The following MYO1E variants were observed in gnomAD, a reference collection of about 807,000 sequenced individuals.
The protein encoded by MYO1E is unconventional myosin-Ie.
MYO1E carries 68 observed loss-of-function variants against 151.1 expected under a neutral mutation model. That is an observed-to-expected ratio of 0.45 (90% CI 0.37 to 0.55). The LOEUF (loss-of-function observed/expected upper bound fraction) is 0.55. Among genes scored for constraint, MYO1E ranks in the 20% least tolerant of loss-of-function variants. The pLI, the probability that MYO1E is intolerant of heterozygous loss-of-function variation, is 0.00. For synonymous variants in MYO1E, 601 were observed against 501.7 expected, an observed-to-expected ratio of 1.20 and a Z score of -2.64; for missense variants, 1,363 against 1,389.3, an observed-to-expected ratio of 0.98 and a Z score of 0.30.
intron 12 of MYO1E, among the ~76,000 whole-genome samples, chr15:59,212,285 T>C (rs567350548): frequency 6.6e-6 from 1 of 151,986 alleles, no homozygotes; most frequent in Non-Finnish European, 1.5e-5. Context: ...ATGGGAGCAA[T>C]GGGTTTCATG....
intron 1 of MYO1E, among the ~76,000 whole-genome samples, chr15:59,339,009 G>A (rs1382984820): frequency 6.6e-6 from 1 of 152,214 alleles, no homozygotes; most frequent in African/African-American, 2.4e-5. Flanking sequence ...GCACATGCCT[G>A]TAATCCCTGC....
chr15:59,303,612 C>T (rs1567008871), intron 1 of MYO1E, among the ~76,000 whole-genome samples: 2 of 152,158 alleles, frequency 1.3e-5, no homozygotes, highest in South Asian at 4.1e-4. Flanking sequence ...CAAGAGGCAA[C>T]AGTGCCTTCC....
In MYO1E at chr15:59,171,955, C is replaced by G; in HGVS notation, c.2422G>C (p.Val808Leu). Residue 808 changes from valine (V) to leucine (L), a missense_variant, in exon 22 of 28, where the codon GTG (valine) becomes CTG (leucine). By Grantham distance (32) the Val-to-Leu change is conservative (BLOSUM62 1). Transcript: ENST00000288235. ...KVKQGPDKGL[V>L]KEVLKRKIEI... is the part of the protein sequence containing the mutation. ...ATTTTCCGCTTCAGGACTTCTTTCA[C>G]CAGGCCCTTGTCTGGGCCCTGTTTG... 6.2e-7 allele frequency: 1 copy of G among 1,614,222 alleles called. No individual in the cohort carries two copies. The highest frequency in any genetic ancestry group is 8.5e-7 in the Non-Finnish European group (1 of 1,180,046).
At chr15:59,361,912 C>T (rs891518891) in intron 1 of MYO1E, among the ~76,000 whole-genome samples, 16 of 152,108 alleles carry the variant, frequency 1.1e-4, no homozygotes, top group African/African-American at 3.6e-4. Flanking sequence ...TCTCAGCTTA[C>T]TGCAACCTCC....
At chr15:59,236,746 C>T (rs1241865562) in intron 4 of MYO1E, 74 bp from the exon 5 acceptor site, 2 of 1,317,156 alleles carry the variant, frequency 1.5e-6, no homozygotes, top group Admixed American at 3.4e-5. Flanking sequence ...TCCCCCATCA[C>T]ACAAAACAAA....
At chr15:59,278,744 A>C (rs1174355787) in intron 1 of MYO1E, among the ~76,000 whole-genome samples, 1 of 152,234 alleles carries the variant, frequency 6.6e-6, no homozygotes, top group African/African-American at 2.4e-5. Context: ...CAGGGTAGTC[A>C]GTAGCCAACA....
intron 5 of MYO1E, among the ~76,000 whole-genome samples, chr15:59,233,390 G>A (rs2080040214): frequency 6.6e-6 from 1 of 152,102 alleles, no homozygotes; most frequent in South Asian, 2.1e-4. Flanking sequence ...CATCGGCCGG[G>A]CGCGGTGGCT....
intron 1 of MYO1E, among the ~76,000 whole-genome samples, chr15:59,296,758 A>T (rs1002369210): frequency 2.0e-5 from 3 of 151,978 alleles, no homozygotes; most frequent in African/African-American, 7.3e-5. Context: ...CAGGACAATG[A>T]AGGTAGGGCT....
At chr15:59,204,188 T>A (rs1239819344) in intron 15 of MYO1E, among the ~76,000 whole-genome samples, 1 of 152,218 alleles carries the variant, frequency 6.6e-6, no homozygotes, top group Non-Finnish European at 1.5e-5. Flanking sequence ...ATTGATTATG[T>A]ATGTTTTGAA....
chr15:59,323,318 T>TA (rs2080640327), intron 1 of MYO1E, among the ~76,000 whole-genome samples: 1 of 151,336 alleles, frequency 6.6e-6, no homozygotes, highest in African/African-American at 2.4e-5. Flanking sequence ...ACATGAAACA[T>TA]AAACAATTTC....
intron 2 of MYO1E, among the ~76,000 whole-genome samples, chr15:59,266,373 A>T (rs2080253400): frequency 6.6e-6 from 1 of 152,220 alleles, no homozygotes; most frequent in Admixed American, 6.5e-5. Flanking sequence ...AAGGAAAAAA[A>T]TGCCAATTAT....
chr15:59,242,628 G>A (rs575464745), intron 4 of MYO1E, among the ~76,000 whole-genome samples: 32 of 152,200 alleles, frequency 2.1e-4, no homozygotes, highest in Non-Finnish European at 4.3e-4. Context: ...AGGTGTCCAG[G>A]AGTCATTAAT....
intron 1 of MYO1E, among the ~76,000 whole-genome samples, chr15:59,331,966 C>A (rs142537984): frequency 2.0e-5 from 3 of 152,132 alleles, no homozygotes; most frequent in Admixed American, 1.3e-4. Context: ...GTAAGGGTAA[C>A]GTGAGGCTAC....
chr15:59,271,881 A>C (rs940984419), intron 2 of MYO1E, among the ~76,000 whole-genome samples: 5 of 152,270 alleles, frequency 3.3e-5, no homozygotes, highest in African/African-American at 1.2e-4. Context: ...GCATGACTAG[A>C]GCATGTCAAA....
At chr15:59,171,169 T>TAGCATGGGAGGACTC (rs2079591425) in intron 22 of MYO1E, 1 of 155,938 alleles carries the variant, frequency 6.4e-6, no homozygotes, top group South Asian at 2.0e-4. Flanking sequence ...CGGGAGGACT[T>TAGCATGGGAGGACTC]AGCATGGGAG....
At chr15:59,277,598 C>G (rs1423999377) in intron 1 of MYO1E, among the ~76,000 whole-genome samples, 1 of 149,980 alleles carries the variant, frequency 6.7e-6, no homozygotes, top group African/African-American at 2.5e-5. Flanking sequence ...CCTCTTTGAG[C>G]CAGCAACTGT....
At chr15:59,257,856 T>C (rs933104390) in intron 3 of MYO1E, among the ~76,000 whole-genome samples, 2 of 152,140 alleles carry the variant, frequency 1.3e-5, no homozygotes, top group Non-Finnish European at 2.9e-5. Flanking sequence ...GACCTCAGGA[T>C]ATGGTTTTAA....
chr15:59,366,576 C>T (rs539131251), intron 1 of MYO1E, among the ~76,000 whole-genome samples: 70 of 152,260 alleles, frequency 4.6e-4, no homozygotes, highest in African/African-American at 1.5e-3. Flanking sequence ...ACGTCATTCT[C>T]ATGGTGGTAA....
intron 4 of MYO1E, among the ~76,000 whole-genome samples, chr15:59,252,455 C>T (rs1324962589): frequency 4.6e-5 from 7 of 152,156 alleles, no homozygotes; most frequent in African/African-American, 1.7e-4. Flanking sequence ...TGGCTCATGC[C>T]TGTAATCCTA....
Sources: gnomAD v4.1 joint callset for allele counts (sites outside exome capture counted in the v4.1 genomes callset) on GRCh38, gnomAD v4.1.1 for gene constraint, MANE v1.5 for transcripts, NCBI Gene and HGNC (gene_info 2026-07-23, HGNC 2026-07-21) for gene names.